The following COL1A1 variants were observed in gnomAD, a reference collection of about 807,000 sequenced individuals.
COL1A1 encodes the protein collagen type I alpha 1 chain.
COL1A1 carries 21 observed loss-of-function variants against 195.7 expected under a neutral mutation model. That is an observed-to-expected ratio of 0.11 (90% CI 0.08 to 0.15). The LOEUF is 0.15. Among genes scored for constraint, COL1A1 ranks in the 10% least tolerant of loss-of-function variants. The pLI, the probability that COL1A1 is intolerant of heterozygous loss-of-function variation, is 1.00. For synonymous variants in COL1A1, 749 were observed against 747.3 expected (o/e 1.00, Z -0.04); for missense variants, 1,365 against 2,051.0 (o/e 0.67, Z 6.46).
At position 50,194,542 on chromosome 17, in the gene COL1A1, G is replaced by T. The variant is rs1907391343; in HGVS notation, c.1515+31C>A. On this transcript the variant is annotated intron_variant, in intron 22 of 50. Coordinates refer to ENST00000225964, the MANE Select transcript of COL1A1 (RefSeq NM_000088.4). This position sits in a 1 kb window ranked among gnomAD's most constrained non-coding sequence, Gnocchi z 6.8. Reference sequence around the variant, plus strand: ...GAAGAAGATGCCCAGGGAGCGGCAGGGTCAGCCCCCCGGCCGCAAGGAGAG... The same window carrying T: ...GAAGAAGATGCCCAGGGAGCGGCAGTGTCAGCCCCCCGGCCGCAAGGAGAG... 1 of 1,608,142 alleles carries T rather than the reference G, an allele frequency of 6.2e-7. No homozygotes were observed.
chr17:50,185,450 T>A lies in COL1A1; in HGVS notation c.*52A>T, dbSNP rs1598283377. The A allele has an allele frequency of 2.5e-6, 4 of 1,608,742 alleles. No individual in the cohort carries two copies. The highest frequency in any genetic ancestry group is 1.7e-5 in the Admixed American group (1 of 59,908). On this transcript the variant is annotated 3_prime_UTR_variant, in exon 51 of 51. Transcript: ENST00000225964. Reference sequence around the variant, plus strand: ...TTTGGGTTGCTTGTCTGTTTCCGGGTTGGGGGGAAAGTTGGTTGGGTGGGA... The same window carrying A: ...TTTGGGTTGCTTGTCTGTTTCCGGGATGGGGGGAAAGTTGGTTGGGTGGGA...
chr17:50,191,836 A>AGGACC lies in COL1A1; in HGVS notation c.2074_2078dup (p.Ala694ValfsTer74). On this transcript the variant is annotated frameshift_variant, in exon 31 of 51. Transcript: ENST00000225964. LOFTEE classifies it high-confidence loss of function. ...CACCGTTGGCCCCTCGGGGACCAGC[A>AGGACC]GGACCAGGGGGACCTTGCACACCAC... The AGGACC allele has an allele frequency of 6.2e-7, 1 of 1,603,132 alleles. No individual in the cohort carries two copies. The highest frequency in any genetic ancestry group is 8.5e-7 in the Non-Finnish European group (1 of 1,174,490).
In COL1A1 at chr17:50,201,146, C is replaced by T. The variant is rs9898186; in HGVS notation, c.103+265G>A. ...TCACTCTGCACCCAGATCCCCACTT[C>T]CCCGGTTGCGCGCTCGGGATTCTCT... On this transcript the variant is annotated intron_variant, in intron 1 of 50. Transcript: ENST00000225964. 0.25 allele frequency among the ~76,000 whole-genome samples: 38,149 copies of T among 152,190 alleles called. 5,763 individuals carry two copies. Among genetic ancestry groups the T allele is most frequent in the African/African-American group, 0.42 (17,565 of 41,486 alleles).
At chr17:50,198,317 T>C in intron 6 of COL1A1, 112 bp from the exon 7 acceptor site, 1 of 1,547,300 alleles carries the variant, frequency 6.5e-7, no homozygotes, top group Admixed American at 1.7e-5. Context: ...CTTTCTGGAC[T>C]CTGAGGTCCC....
At position 50,190,980 on chromosome 17, in the gene COL1A1, G is replaced by C; in HGVS notation, c.2236-56C>G. The C allele has an allele frequency of 6.5e-7, 1 of 1,536,826 alleles. No homozygotes were observed. The highest frequency in any genetic ancestry group is 1.7e-5 in the Admixed American group (1 of 58,798). ...GTGTGGGGCAAGGAGGTGACCTATA[G>C]TGTTCTGCTTGTGTCTGGGTTTCCT... is the stretch of plus-strand genomic sequence containing the variant. On this transcript the variant is annotated intron_variant, in intron 32 of 50. Coordinates refer to ENST00000225964, the MANE Select transcript of COL1A1 (RefSeq NM_000088.4). The surrounding 1 kb of genome is among the most constrained non-coding windows in gnomAD (Gnocchi z 4.7).
At chr17:50,199,084 T>G in intron 5 of COL1A1, 142 bp downstream of exon 5, 1 of 932,186 alleles carries the variant, frequency 1.1e-6, no homozygotes, top group Non-Finnish European at 1.5e-6. Flanking sequence ...TCACAAACTG[T>G]GAAGGGTATG....
At chr17:50,200,145 T>G (rs747703006) in intron 1 of COL1A1, 198 bp from the exon 2 acceptor site, 3 of 638,684 alleles carry the variant, frequency 4.7e-6, no homozygotes, top group Admixed American at 2.5e-5. Context: ...CCAGGGAGGC[T>G]GTAACTCTTT....
At chr17:50,198,807 A>C (rs1907818294) in intron 5 of COL1A1, 3 of 465,770 alleles carry the variant, frequency 6.4e-6, no homozygotes, top group Non-Finnish European at 1.2e-5. Flanking sequence ...TAAACGCAAT[A>C]CATAATCCTG....
Position 50,195,379 on chromosome 17 carries a change from G to GGGCA in COL1A1, c.1200+51_1201-50dup, listed in dbSNP as rs769710020. 5 of 1,613,634 alleles carry GGGCA rather than the reference G, an allele frequency of 3.1e-6. No homozygotes were observed. The East Asian group carries it at 1.1e-4, about 36-fold the overall frequency. ...CGTGAGCCTAGGAGCAGAGGGAAAG[G>GGGCA]GGCAGGCAGGCTGCAGGCGGCAGGA... On this transcript the variant is annotated intron_variant, in intron 18 of 50. Transcript: ENST00000225964. The surrounding 1 kb of genome is among the most constrained non-coding windows in gnomAD (Gnocchi z 4.3).
At position 50,190,648 on chromosome 17, in the gene COL1A1, T is replaced by C; in HGVS notation, c.2344-52A>G. The C allele has an allele frequency of 5.6e-6, 9 of 1,594,528 alleles. No individual in the cohort carries two copies. Among genetic ancestry groups the C allele is most frequent in the Non-Finnish European group, 6.9e-6 (8 of 1,164,796 alleles). On this transcript the variant is annotated intron_variant, in intron 33 of 50. Coordinates refer to ENST00000225964, the MANE Select transcript of COL1A1 (RefSeq NM_000088.4). The surrounding 1 kb of genome is among the most constrained non-coding windows in gnomAD (Gnocchi z 4.7). Reference sequence around the variant, plus strand: ...GGTCAGGGCCTCCCCTGAATACTCCTAGTAGATGACCCCAGGAGAGCCTCC... The same window carrying C: ...GGTCAGGGCCTCCCCTGAATACTCCCAGTAGATGACCCCAGGAGAGCCTCC...
intron 9 of COL1A1, 23 bp downstream of exon 9, chr17:50,197,709 A>G (rs1275588503): frequency 6.4e-6 from 10 of 1,565,450 alleles, no homozygotes; most frequent in Non-Finnish European, 8.6e-6. Context: ...GTCAGATGGT[A>G]TCTTCTTGCT....
In COL1A1 at chr17:50,190,206, G is replaced by A; in HGVS notation, c.2452-98C>T. The A allele has an allele frequency of 7.7e-7, 1 of 1,292,890 alleles. No homozygotes were observed. The highest frequency in any genetic ancestry group is 1.1e-6 in the Non-Finnish European group (1 of 888,442). The allele number at this position is 1,292,890 out of a possible 1,614,324, so 80.1% of individuals were successfully genotyped here. On this transcript the variant is annotated intron_variant, in intron 35 of 50. Transcript: ENST00000225964. This position sits in a 1 kb window ranked among gnomAD's most constrained non-coding sequence, Gnocchi z 4.7. ...ATGGAGGCAGGAAGATGCTTGGGTG[G>A]GAAACAATCCCGTCTCCACCCTTCT...
rs41317361 is a variant in COL1A1, at chr17:50,195,108, G to C, written c.1300-8C>G. 0.011 allele frequency: 17,023 copies of C among 1,613,522 alleles called. 828 individuals are homozygous for C. The African/African-American group carries it at 0.13, about 13-fold the overall frequency. On this transcript the variant is annotated splice_region_variant and splice_polypyrimidine_tract_variant and intron_variant, in intron 19 of 50. Transcript: ENST00000225964. This position sits in a 1 kb window ranked among gnomAD's most constrained non-coding sequence, Gnocchi z 4.3. ...AGGAGCACCAGGTTCACCCTGCAAG[G>C]GGGGAGAAGAGGATGAGCTGAGAGT...
Position 50,189,216 on chromosome 17 carries a change from C to T in COL1A1, c.2889G>A (p.Leu963=). The change falls in exon 40 of 51, where the codon CTG becomes CTA. Residue 963 remains leucine (L), a synonymous_variant. Coordinates refer to ENST00000225964, the MANE Select transcript of COL1A1 (RefSeq NM_000088.4). The surrounding 1 kb of genome is among the most constrained non-coding windows in gnomAD (Gnocchi z 5.5). Reference sequence around the variant, plus strand: ...AGCCTCTCTCTCCTCTCTGACCAGGCAGGCCGACCACACCACGCTGTCCAG... The same window carrying T: ...AGCCTCTCTCTCCTCTCTGACCAGGTAGGCCGACCACACCACGCTGTCCAG... ...GIAGQRGVVG[L]PGQRGERGFP... is the part of the protein sequence containing the mutation. 3.1e-6 allele frequency: 5 copies of T among 1,613,846 alleles called. No individual in the cohort carries two copies. The highest frequency in any genetic ancestry group is 1.1e-5 in the South Asian group (1 of 91,060).
rs1016862662 is a variant in COL1A1, at chr17:50,192,844, C to T, written c.1828G>A (p.Ala610Thr). The T allele has an allele frequency of 8.1e-6, 13 of 1,613,926 alleles. No homozygotes were observed. Among genetic ancestry groups the T allele is most frequent in the South Asian group, 1.1e-5 (1 of 91,076 alleles). ...VPGPPGAVGPAGKDGEAGAQG... is the reference protein window; with the variant it reads ...VPGPPGAVGPTGKDGEAGAQG... ...GCTCCAGCCTCTCCATCTTTGCCAG[C>T]AGGACCCTGCAGGGAGAGAGCAAAG... The change falls in exon 27 of 51, where the codon GCT becomes ACT. Residue 610 changes from alanine to threonine, a missense_variant. By Grantham distance (58) the Ala-to-Thr change is moderately conservative. Around this residue, in one of 5 missense-constraint regions of COL1A1, gnomAD observed 671 missense variants for 1,099.9 expected, o/e 0.61. Coordinates refer to ENST00000225964, the MANE Select transcript of COL1A1 (RefSeq NM_000088.4).
rs1374688812 is a variant in COL1A1 at position 50,185,970 on chromosome 17, C to G, written c.4056G>C (p.Leu1352=). The G allele has an allele frequency of 6.8e-6, 11 of 1,613,754 alleles. No individual in the cohort carries two copies. Among genetic ancestry groups the G allele is most frequent in the Non-Finnish European group, 9.3e-6 (11 of 1,180,002 alleles). The part of the protein sequence containing the change: ...GSDPADVAIQ[L]TFLRLMSTEA... ...CGGTGGACATCAGGCGCAGGAAGGT[C>G]AGCTGGATGGCCACATCGGCAGGGT... Residue 1352 remains leucine, a synonymous_variant, in exon 50 of 51, where the codon CTG becomes CTC. Transcript: ENST00000225964.
At position 50,194,325 on chromosome 17, in the gene COL1A1, C is replaced by T. The variant is rs1907370328; in HGVS notation, c.1614+24G>A. On this transcript the variant is annotated intron_variant, in intron 23 of 50. Transcript: ENST00000225964. The surrounding 1 kb of genome is among the most constrained non-coding windows in gnomAD (Gnocchi z 6.8). ...CGGGATGGTCAGGGCCTGGCCAAGC[C>T]AGGCTGAAAGCCTGGGGCCTCACCT... The T allele has an allele frequency of 6.2e-7, 1 of 1,613,848 alleles. No homozygotes were observed. The highest frequency in any genetic ancestry group is 8.5e-7 in the Non-Finnish European group (1 of 1,179,854).
At chr17:50,197,279 C>A (rs11657761) in intron 9 of COL1A1, 46 bp from the exon 10 acceptor site, 2 of 1,595,200 alleles carry the variant, frequency 1.3e-6, no homozygotes, top group East Asian at 2.2e-5. Context: ...TCCCCACCAC[C>A]GCCTAGGGGC....
At position 50,185,121 on chromosome 17, in the gene COL1A1, A is replaced by AG; in HGVS notation, c.*380dup. The AG allele has an allele frequency of 6.8e-6, 2 of 295,760 alleles. No homozygotes were observed. Among genetic ancestry groups the AG allele is most frequent in the Non-Finnish European group, 6.4e-6 (1 of 156,868 alleles). 18.3% of individuals were successfully genotyped at this position (295,760 alleles called of 1,614,324 possible). On this transcript the variant is annotated 3_prime_UTR_variant, in exon 51 of 51. Transcript: ENST00000225964. ...GGGAAGGAGTGGAGGGGAGGCCCCAAGGGGGGTGTGGAGAAAGGAGCAGAA... is the reference window on the plus strand; with the variant it reads ...GGGAAGGAGTGGAGGGGAGGCCCCAAGGGGGGGTGTGGAGAAAGGAGCAGAA...
Sources: allele counts gnomAD v4.1 joint callset (sites outside exome capture counted in the v4.1 genomes callset), GRCh38; gene constraint gnomAD v4.1.1; regional missense constraint gnomAD v4.1.1; non-coding constraint Gnocchi (gnomAD v3.1); transcripts MANE v1.5; gene names NCBI Gene and HGNC (gene_info 2026-07-23, HGNC 2026-07-21).